NUBPL: variants seen among roughly 807,000 people sequenced by gnomAD.
NUBPL encodes NUBP iron-sulfur cluster assembly factor, mitochondrial.
Under a neutral mutation model 45.7 loss-of-function variants are expected in NUBPL, and 31 were observed. The ratio of observed to expected loss-of-function variants is 0.68; its 90% CI spans 0.51 to 0.92. The LOEUF (loss-of-function observed/expected upper bound fraction) is 0.92, where lower values mean the gene tolerates loss of function less well. Among genes scored for constraint, NUBPL ranks in the 40% least tolerant of loss-of-function variants. The probability of loss-of-function intolerance (pLI) is 0.00; values close to 1 mark genes in which losing one functional copy is unlikely to be tolerated. For synonymous variants in NUBPL, 144 were observed against 140.9 expected (o/e 1.02, Z -0.15); for missense variants, 401 against 398.7 (o/e 1.01, Z -0.05).
intron 6 of NUBPL, among the ~76,000 whole-genome samples, chr14:31,758,810 A>T (rs1191796102): frequency 1.3e-5 from 2 of 152,192 alleles, no homozygotes; most frequent in African/African-American, 4.8e-5. Flanking sequence ...TATTGAATAA[A>T]ATGATCTGTT....
At chr14:31,657,907 G>T (rs2036178112) in intron 4 of NUBPL, among the ~76,000 whole-genome samples, 1 of 152,042 alleles carries the variant, frequency 6.6e-6, no homozygotes, top group Non-Finnish European at 1.5e-5. Flanking sequence ...TTAGAAGTCA[G>T]AACTAATAGA....
chr14:31,840,085 C>T (rs936495824), intron 8 of NUBPL, among the ~76,000 whole-genome samples: 4 of 152,118 alleles, frequency 2.6e-5, no homozygotes, highest in African/African-American at 7.2e-5. Flanking sequence ...CCATATGATC[C>T]TACAGTCCCA....
intron 6 of NUBPL, among the ~76,000 whole-genome samples, chr14:31,753,329 T>C (rs532915450): frequency 1.3e-5 from 2 of 152,104 alleles, no homozygotes; most frequent in Admixed American, 1.3e-4. Context: ...GGTGGCACTG[T>C]TGATCAAAGA....
intron 4 of NUBPL, among the ~76,000 whole-genome samples, chr14:31,626,623 T>C (rs1463926976): frequency 6.6e-6 from 1 of 152,206 alleles, no homozygotes; most frequent in African/African-American, 2.4e-5. Flanking sequence ...GAGTTGGCTT[T>C]TTCTCTTGCC....
In NUBPL at chr14:31,673,338, AT is replaced by A. The variant is rs35659584; in HGVS notation, c.383-5del. 59,821 of 1,320,646 alleles carry A rather than the reference AT, an allele frequency of 0.045. 450 individuals carry two copies. The highest frequency in any genetic ancestry group is 0.1 in the African/African-American group (6,636 of 63,400). 81.8% of individuals were successfully genotyped at this position (1,320,646 alleles called of 1,614,324 possible). A position where few individuals can be genotyped will look rare whatever the true frequency, so the allele number is the denominator to read the frequency against. On this transcript the variant is annotated splice_polypyrimidine_tract_variant and intron_variant, in intron 4 of 10. Coordinates refer to ENST00000281081, the MANE Select transcript of NUBPL (RefSeq NM_025152.3). ...GTGTTTTATTGTTCTAAAAGAGAGG[AT>A]TTTTTTTTTTTCCAGGCAACCTAAT...
intron 3 of NUBPL, among the ~76,000 whole-genome samples, chr14:31,583,410 T>C (rs1011382275): frequency 6.6e-6 from 1 of 152,190 alleles, no homozygotes; most frequent in Admixed American, 6.5e-5. Context: ...TATTAGACAC[T>C]GTGGTGGGAA....
Position 31,804,604 on chromosome 14 carries a change from A to G in NUBPL, c.607+16731A>G, listed in dbSNP as rs146682534. Among the ~76,000 whole-genome samples, 23 of 152,334 alleles carry G rather than the reference A, an allele frequency of 1.5e-4. No individual in the cohort carries two copies. The East Asian group carries it at 4.2e-3, about 28-fold the overall frequency. ...AAACAGGCACATAGACCAATGGAACATAATAGAGAGCCCAGAAGTAAGGCC... is the reference window on the plus strand; with the variant it reads ...AAACAGGCACATAGACCAATGGAACGTAATAGAGAGCCCAGAAGTAAGGCC... On this transcript the variant is annotated intron_variant, in intron 7 of 10. Transcript: ENST00000281081.
chr14:31,639,451 C>G (rs2035613421), intron 4 of NUBPL, among the ~76,000 whole-genome samples: 1 of 152,116 alleles, frequency 6.6e-6, no homozygotes, highest in South Asian at 2.1e-4. Flanking sequence ...AGTTTTGTGT[C>G]AGAGGAGTAC....
intron 4 of NUBPL, among the ~76,000 whole-genome samples, chr14:31,618,938 C>T (rs1431759853): frequency 6.6e-6 from 1 of 152,134 alleles, no homozygotes; most frequent in African/African-American, 2.4e-5. Flanking sequence ...CTTTGTATGT[C>T]TCTAAGAACT....
chr14:31,696,122 A>C (rs771874073), intron 6 of NUBPL, among the ~76,000 whole-genome samples: 44 of 152,202 alleles, frequency 2.9e-4, no homozygotes, highest in Non-Finnish European at 5.7e-4. Context: ...AGCAATTTGA[A>C]AAGCTGGGAG....
intron 4 of NUBPL, among the ~76,000 whole-genome samples, chr14:31,650,423 G>A (rs1206835534): frequency 6.6e-6 from 1 of 151,794 alleles, no homozygotes; most frequent in Non-Finnish European, 1.5e-5. Flanking sequence ...CGAGGTAGCT[G>A]GGACTACAGG....
intron 7 of NUBPL, among the ~76,000 whole-genome samples, chr14:31,820,560 A>G (rs2040000113): frequency 6.6e-6 from 1 of 152,214 alleles, no homozygotes; most frequent in Admixed American, 6.5e-5. Flanking sequence ...GCGGTGGTGC[A>G]CGCCTGTAAT....
chr14:31,774,731 T>C (rs962177913), intron 6 of NUBPL, among the ~76,000 whole-genome samples: 1 of 152,182 alleles, frequency 6.6e-6, no homozygotes, highest in East Asian at 1.9e-4. Context: ...TAAAATATTA[T>C]TTGAGGAAAA....
chr14:31,591,966 A>T (rs969022202), intron 3 of NUBPL, among the ~76,000 whole-genome samples: 27 of 152,236 alleles, frequency 1.8e-4, no homozygotes, highest in Non-Finnish European at 2.9e-5. Flanking sequence ...GATAACAAAC[A>T]TCCCAAGTAA....
chr14:31,837,195 T>TC (rs2040294876), intron 8 of NUBPL, among the ~76,000 whole-genome samples: 3 of 152,094 alleles, frequency 2.0e-5, no homozygotes, highest in South Asian at 2.1e-4. Context: ...CTGGCATGCA[T>TC]CTGTAGTCTC....
At chr14:31,643,830 G>T (rs756025473) in intron 4 of NUBPL, among the ~76,000 whole-genome samples, 7 of 151,858 alleles carry the variant, frequency 4.6e-5, no homozygotes, top group Non-Finnish European at 1.0e-4. Context: ...ATTACTTATT[G>T]GTTAGTTGAA....
intron 4 of NUBPL, among the ~76,000 whole-genome samples, chr14:31,665,464 C>T: frequency 6.6e-6 from 1 of 152,158 alleles, no homozygotes. Context: ...TTATTTCTGT[C>T]TTAATTTCAT....
intron 7 of NUBPL, among the ~76,000 whole-genome samples, chr14:31,822,853 C>T (rs916895190): frequency 1.3e-5 from 2 of 152,092 alleles, no homozygotes; most frequent in African/African-American, 4.8e-5. Flanking sequence ...TCAGACTATT[C>T]TGCAAAGAAA....
At chr14:31,723,324 ATGTTGTTTTGGTTAC>A (rs1390830300) in intron 6 of NUBPL, among the ~76,000 whole-genome samples, 1 of 152,150 alleles carries the variant, frequency 6.6e-6, no homozygotes, top group African/African-American at 2.4e-5. Context: ...TACCAGTACC[ATGTTGTTTTGGTTAC>A]TGTAGCCCTA....
Sources: gnomAD v4.1 joint callset for allele counts (sites outside exome capture counted in the v4.1 genomes callset) on GRCh38, gnomAD v4.1.1 for gene constraint, MANE v1.5 for transcripts, NCBI Gene and HGNC (gene_info 2026-07-23, HGNC 2026-07-21) for gene names.